Variants in TUBB8B observed in about 807,000 individuals in gnomAD.
The protein encoded by TUBB8B is HSA18p11 beta-tubulin 4Q pseudogene.
TUBB8B carries 26 observed loss-of-function variants against 31.9 expected under a neutral mutation model. The ratio of observed to expected loss-of-function variants is 0.81; its 90% CI spans 0.60 to 1.13. The LOEUF is 1.13. Ranked by LOEUF, TUBB8B falls within the 50% of genes most tolerant of loss-of-function variation. TUBB8B has a pLI of 0.00. For missense variants in TUBB8B, 467 were observed against 586.7 expected (o/e 0.80, Z 2.11); for synonymous variants, 173 against 231.0 (o/e 0.75, Z 2.28).
chr18:62,698 G>C, the TUBB8B span, among the ~76,000 whole-genome samples: 3 of 151,824 alleles, frequency 2.0e-5, no homozygotes, highest in Admixed American at 1.3e-4. Context: ...TGGGATTACA[G>C]GCGTGAGCCA....
the TUBB8B span, among the ~76,000 whole-genome samples, chr18:70,913 T>G: frequency 2.0e-5 from 3 of 149,646 alleles, no homozygotes; most frequent in Non-Finnish European, 4.4e-5. Flanking sequence ...CACTCCAGCC[T>G]CGGAAAAAAG....
At chr18:53,173 A>C (rs1452192727), upstream of TUBB8B, among the ~76,000 whole-genome samples, 1 of 151,860 alleles carries the variant, frequency 6.6e-6, no homozygotes, top group African/African-American at 2.4e-5. Context: ...AGCTACTCAT[A>C]TTAAGATAGA....
chr18:66,084 C>T, the TUBB8B span, among the ~76,000 whole-genome samples: 1 of 152,040 alleles, frequency 6.6e-6, no homozygotes, highest in African/African-American at 2.4e-5. Flanking sequence ...TAAAAATTAG[C>T]TAGGTGTGAT....
chr18:62,594 T>G, the TUBB8B span, among the ~76,000 whole-genome samples: 1 of 151,500 alleles, frequency 6.6e-6, no homozygotes, highest in South Asian at 2.1e-4. Flanking sequence ...AATTTCTTTT[T>G]GTATTTTTAG....
At chr18:49,380 C>T in intron 1 of TUBB8B, 121 bp downstream of exon 1, 1 of 772,440 alleles carries the variant, frequency 1.3e-6, no homozygotes, top group East Asian at 3.0e-5. Flanking sequence ...CCACCCGGTT[C>T]CACCGTCCCC....
chr18:68,350 A>G, the TUBB8B span, among the ~76,000 whole-genome samples: 1 of 152,196 alleles, frequency 6.6e-6, no homozygotes, highest in East Asian at 1.9e-4. Flanking sequence ...CAAATCAGGA[A>G]ATGCAAGGTC....
chr18:57,262 G>A, the TUBB8B span, among the ~76,000 whole-genome samples: 2 of 151,642 alleles, frequency 1.3e-5, no homozygotes, highest in Admixed American at 1.3e-4. Context: ...GACAAAGCTA[G>A]TTTATTCTTC....
upstream of TUBB8B, among the ~76,000 whole-genome samples, chr18:53,787 A>G (rs1401887346): frequency 6.6e-6 from 1 of 151,910 alleles, no homozygotes; most frequent in East Asian, 1.9e-4. Flanking sequence ...GCTTTTAAAT[A>G]ATTCTGATTT....
the TUBB8B span, among the ~76,000 whole-genome samples, chr18:66,413 G>A: frequency 6.6e-6 from 1 of 152,098 alleles, no homozygotes; most frequent in African/African-American, 2.4e-5. Context: ...TTAGCCAGAT[G>A]TGGTGGTGCA....
At chr18:52,319 T>C (rs1336960751), upstream of TUBB8B, among the ~76,000 whole-genome samples, 1 of 151,366 alleles carries the variant, frequency 6.6e-6, no homozygotes, top group African/African-American at 2.4e-5. Context: ...GGCAACAATA[T>C]GCAGAGCACT....
Position 48,416 on chromosome 18 carries a change from C to A in TUBB8B, c.309G>T (p.Lys103Asn), listed in dbSNP as rs1297868619. 6.2e-6 allele frequency: 10 copies of A among 1,612,146 alleles called. No homozygotes were observed. Among genetic ancestry groups the A allele is most frequent in the Middle Eastern group, 1.7e-4 (1 of 5,954 alleles). ...GCTCCGCGCCTTCTGTGTAGCGTCC[C>A]TTGGCCCAGTTGTTTCCGGCCCCAC... ...GQCGAGNNWA[K>N]GRYTEGAELT... is the part of the protein sequence containing the mutation. The change falls in exon 4 of 4, where the codon AAG (lysine) becomes AAT (asparagine). Residue 103 changes from lysine to asparagine, a missense_variant. By Grantham distance (94) the Lys-to-Asn change is moderately conservative. Coordinates refer to ENST00000308911, the MANE Select transcript of TUBB8B (RefSeq NM_001358689.2).
the TUBB8B span, among the ~76,000 whole-genome samples, chr18:59,944 A>G: frequency 6.6e-6 from 1 of 151,650 alleles, no homozygotes; most frequent in African/African-American, 2.4e-5. Context: ...TGAATTACCT[A>G]TTTATGTATT....
the TUBB8B span, among the ~76,000 whole-genome samples, chr18:63,798 C>T: frequency 0.022 from 3,314 of 147,446 alleles, 61 homozygotes; most frequent in Middle Eastern, 0.087. Flanking sequence ...CTAACCGTTA[C>T]GCTAACCCTA....
At chr18:64,576 A>AG in the TUBB8B span, among the ~76,000 whole-genome samples, 1 of 151,714 alleles carries the variant, frequency 6.6e-6, no homozygotes, top group Non-Finnish European at 1.5e-5. Flanking sequence ...AAAAAAAAAA[A>AG]TAGTTGGGCA....
upstream of TUBB8B, among the ~76,000 whole-genome samples, chr18:53,140 T>C (rs1906176716): frequency 6.6e-6 from 1 of 151,878 alleles, no homozygotes. Context: ...GGTATTAACC[T>C]TCTAGATGCC....
chr18:67,968 C>A, the TUBB8B span, among the ~76,000 whole-genome samples: 3 of 152,158 alleles, frequency 2.0e-5, no homozygotes, highest in Non-Finnish European at 4.4e-5. Flanking sequence ...ATGACACCCA[C>A]AATACTGCTA....
At position 49,118 on chromosome 18, in the gene TUBB8B, G is replaced by C. The variant is rs753177280; in HGVS notation, c.166+11C>G. On this transcript the variant is annotated intron_variant, in intron 2 of 3. Coordinates refer to ENST00000308911, the MANE Select transcript of TUBB8B (RefSeq NM_001358689.2). ...CCCAGGAGGGCGGTGGGAGAAGGAC[G>C]GGGGTCGCACCGCTGGCCTCGTGGT... The C allele has an allele frequency of 2.6e-6, 4 of 1,514,484 alleles. No homozygotes were observed. The highest frequency in any genetic ancestry group is 1.8e-6 in the Non-Finnish European group (2 of 1,100,592). 93.8% of individuals were successfully genotyped at this position (1,514,484 alleles called of 1,614,324 possible).
At chr18:72,798 T>C in the TUBB8B span, among the ~76,000 whole-genome samples, 720 of 151,942 alleles carry the variant, frequency 4.7e-3, 9 homozygotes, top group African/African-American at 0.016. Flanking sequence ...AGAAACCCCG[T>C]CTCTACTAAA....
At chr18:70,830 T>C in the TUBB8B span, among the ~76,000 whole-genome samples, 1 of 151,566 alleles carries the variant, frequency 6.6e-6, no homozygotes, top group African/African-American at 2.4e-5. Context: ...TCCCAGCTAC[T>C]TGGGAGGCTG....
Sources: gnomAD v4.1 joint callset for allele counts (sites outside exome capture counted in the v4.1 genomes callset) on GRCh38, gnomAD v4.1.1 for gene constraint, MANE v1.5 for transcripts, NCBI Gene and HGNC (gene_info 2026-07-23, HGNC 2026-07-21) for gene names.